Variants in SYT12 observed in about 807,000 individuals in gnomAD.
SYT12 encodes the protein synaptotagmin 12, also known as synaptotagmin-12.
SYT12 carries 27 observed loss-of-function variants against 39.5 expected under a neutral mutation model. The ratio of observed to expected loss-of-function variants is 0.68; its 90% CI spans 0.50 to 0.94. SYT12 has a LOEUF of 0.94. Among genes scored for constraint, SYT12 ranks in the 40% least tolerant of loss-of-function variants. The probability of loss-of-function intolerance (pLI) is 0.00; values close to 1 mark genes in which losing one functional copy is unlikely to be tolerated. For missense variants in SYT12, 536 were observed against 572.6 expected, an observed-to-expected ratio of 0.94 and a Z score of 0.65; for synonymous variants, 233 against 239.7, an observed-to-expected ratio of 0.97 and a Z score of 0.26.
chr11:67,022,590 C>G (rs1950122595), upstream of SYT12: 2 of 152,284 alleles, frequency 1.3e-5, no homozygotes, highest in African/African-American at 4.8e-5. Context: ...TCATTCATTC[C>G]TTTGGGAGAG....
At chr11:67,019,005 G>A (rs11820777), upstream of SYT12, among the ~76,000 whole-genome samples, 1,532 of 152,252 alleles carry the variant, frequency 0.01, 26 homozygotes, top group African/African-American at 0.035. Flanking sequence ...TTTTCATGCT[G>A]CTGATAAAGA....
At position 67,026,074 on chromosome 11, in the gene SYT12, A is replaced by T. The variant is rs539679475; in HGVS notation, c.-24+2614A>T. Among the ~76,000 whole-genome samples the T allele has an allele frequency of 8.4e-4, 123 of 146,740 alleles. No individual in the cohort carries two copies. The South Asian group carries it at 0.01, about 12-fold the overall frequency. On this transcript the variant is annotated intron_variant, in intron 1 of 7. Transcript: ENST00000527043. ...TCCGTCTCAAAAAAATAAATTAATTAAAAAAAAAAAGTAGCTCATTCAAAG... is the reference window on the plus strand; with the variant it reads ...TCCGTCTCAAAAAAATAAATTAATTTAAAAAAAAAAGTAGCTCATTCAAAG...
At position 67,050,301 on chromosome 11, in the gene SYT12, C is replaced by G. The variant is rs956258151; in HGVS notation, c.*1544C>G. ...GCTGAGTGCTGGGAAGGGCTGAGCTCACCCAGGCCAGCAGGTGGGGTATCA... is the reference window on the plus strand; with the variant it reads ...GCTGAGTGCTGGGAAGGGCTGAGCTGACCCAGGCCAGCAGGTGGGGTATCA... On this transcript the variant is annotated 3_prime_UTR_variant, in exon 8 of 8. Coordinates refer to ENST00000527043, the MANE Select transcript of SYT12 (RefSeq NM_177963.4). 6.6e-6 allele frequency: 1 copy of G among 152,396 alleles called. No homozygotes were observed. The highest frequency in any genetic ancestry group is 1.5e-5 in the Non-Finnish European group (1 of 68,190). The allele number at this position is 152,396 out of a possible 1,614,324, so 9.4% of individuals were successfully genotyped here.
At chr11:67,047,234 G>A (rs1277883436) in intron 7 of SYT12, among the ~76,000 whole-genome samples, 3 of 151,190 alleles carry the variant, frequency 2.0e-5, no homozygotes, top group Admixed American at 6.6e-5. Flanking sequence ...CAAAGTGCTG[G>A]GATTACAGGT....
At chr11:67,012,150 C>T (rs538688175) in intron 3 of SYT12, among the ~76,000 whole-genome samples, 1 of 151,236 alleles carries the variant, frequency 6.6e-6, no homozygotes, top group East Asian at 2.0e-4. Context: ...GCGGGCGGAT[C>T]ACCTGAGGTC....
At chr11:67,031,561 T>A (rs1950267954) in intron 2 of SYT12, 1 of 152,270 alleles carries the variant, frequency 6.6e-6, no homozygotes, top group African/African-American at 2.4e-5. Context: ...AAGTGCTTCA[T>A]AAGGGGAGCT....
chr11:67,048,534 G>A (rs2136237345), intron 7 of SYT12, 50 bp from the exon 8 acceptor site: 2 of 1,569,604 alleles, frequency 1.3e-6, no homozygotes, highest in African/African-American at 1.3e-5. Flanking sequence ...AGGCCAAGAA[G>A]TACCTCTGAC....
intron 7 of SYT12, among the ~76,000 whole-genome samples, chr11:67,046,505 C>T (rs1055134331): frequency 4.1e-4 from 62 of 152,346 alleles, no homozygotes; most frequent in African/African-American, 1.4e-3. Context: ...GCCTCCATAG[C>T]CCCAGGGCTG....
At chr11:67,039,688 C>A in intron 3 of SYT12, 123 bp from the exon 4 acceptor site, 2 of 1,219,842 alleles carry the variant, frequency 1.6e-6, no homozygotes, top group Non-Finnish European at 2.3e-6. Context: ...GGATGCAGGG[C>A]TTCTGTGAAA....
intron 2 of SYT12, among the ~76,000 whole-genome samples, chr11:67,033,060 G>A (rs1346946026): frequency 1.3e-5 from 2 of 152,162 alleles, no homozygotes; most frequent in Non-Finnish European, 2.9e-5. Context: ...CAGGCTAGAG[G>A]GGCTGCCCCA....
At chr11:67,015,396 G>C (rs917869571) in intron 3 of SYT12, among the ~76,000 whole-genome samples, 3 of 152,210 alleles carry the variant, frequency 2.0e-5, no homozygotes, top group Non-Finnish European at 4.4e-5. Context: ...CACCCCACAG[G>C]CTGCTCTCCA....
intron 2 of SYT12, among the ~76,000 whole-genome samples, chr11:67,034,259 T>C (rs1950319647): frequency 6.6e-6 from 1 of 152,188 alleles, no homozygotes; most frequent in African/African-American, 2.4e-5. Context: ...TCTACATAGA[T>C]TTGCCTTTTC....
chr11:67,021,297 C>T (rs1950107082), upstream of SYT12, among the ~76,000 whole-genome samples: 2 of 152,080 alleles, frequency 1.3e-5, no homozygotes, highest in South Asian at 2.1e-4. Context: ...CAGTGTGACA[C>T]CAGAACTGGA....
chr11:67,018,020 G>A (rs1344239675), intron 3 of SYT12, among the ~76,000 whole-genome samples: 1 of 151,282 alleles, frequency 6.6e-6, no homozygotes, highest in African/African-American at 2.4e-5. Context: ...CCAATGCTTT[G>A]GGAGGCCGAG....
At chr11:67,033,234 C>T (rs1443660360) in intron 2 of SYT12, among the ~76,000 whole-genome samples, 4 of 149,380 alleles carry the variant, frequency 2.7e-5, no homozygotes, top group Admixed American at 6.6e-5. Context: ...GTTGCCGTGG[C>T]CTGGCACACT....
chr11:67,023,826 C>T (rs933906277), intron 1 of SYT12, among the ~76,000 whole-genome samples: 12 of 152,240 alleles, frequency 7.9e-5, no homozygotes, highest in African/African-American at 2.9e-4. Context: ...CCCCTCCCGA[C>T]ACTCCGGTCC....
At position 67,036,934 on chromosome 11, in the gene SYT12, G is replaced by C. The variant is rs138698119; in HGVS notation, c.228+2096G>C. 1.1e-3 allele frequency among the ~76,000 whole-genome samples: 165 copies of C among 152,250 alleles called. 1 individual carries two copies. Among genetic ancestry groups the C allele is most frequent in the African/African-American group, 3.8e-3 (158 of 41,540 alleles). ...ACTAAAAATACAAAATTAGCCAAGT[G>C]TGGTGGCGCATGCCTGTAATCCCAG... On this transcript the variant is annotated intron_variant, in intron 3 of 7. Transcript: ENST00000527043.
intron 3 of SYT12, among the ~76,000 whole-genome samples, chr11:67,035,217 C>T (rs540877927): frequency 1.1e-4 from 16 of 151,792 alleles, no homozygotes; most frequent in African/African-American, 3.9e-4. Context: ...CCATGTTGGT[C>T]AGGCTGGTGT....
intron 2 of SYT12, among the ~76,000 whole-genome samples, chr11:67,010,570 C>T (rs1171994127): frequency 6.6e-6 from 1 of 152,244 alleles, no homozygotes; most frequent in Non-Finnish European, 1.5e-5. Context: ...TCCATCTTAA[C>T]TGGCTGCCCA....
Sources: gnomAD v4.1 joint callset for allele counts (sites outside exome capture counted in the v4.1 genomes callset) on GRCh38, gnomAD v4.1.1 for gene constraint, MANE v1.5 for transcripts, NCBI Gene and HGNC (gene_info 2026-07-23, HGNC 2026-07-21) for gene names.